TNIP1: variants seen among roughly 807,000 people sequenced by gnomAD.
TNIP1 encodes TNFAIP3 interacting protein 1.
TNIP1 carries 22 observed loss-of-function variants against 86.6 expected under a neutral mutation model. The ratio of observed to expected loss-of-function variants is 0.25; its 90% CI spans 0.18 to 0.36. TNIP1 has a LOEUF of 0.36. Among genes scored for constraint, TNIP1 ranks in the 10% least tolerant of loss-of-function variants. The probability of loss-of-function intolerance (pLI) is 1.00; values close to 1 mark genes in which losing one functional copy is unlikely to be tolerated. For missense variants in TNIP1, 709 were observed against 820.6 expected, an observed-to-expected ratio of 0.86 and a Z score of 1.66; for synonymous variants, 294 against 313.0, an observed-to-expected ratio of 0.94 and a Z score of 0.64.
chr5:151,065,181 ATCCTT>A (rs1762083297), intron 1 of TNIP1, 50 bp from the exon 2 acceptor site: 3 of 1,513,420 alleles, frequency 2.0e-6, no homozygotes, highest in Non-Finnish European at 2.7e-6. Context: ...CCATGGGGGC[ATCCTT>A]TGCAGAGAAG....
intron 4 of TNIP1, among the ~76,000 whole-genome samples, chr5:151,061,659 A>C (rs1761587918): frequency 6.6e-6 from 1 of 151,938 alleles, no homozygotes; most frequent in African/African-American, 2.4e-5. Context: ...TTTTTTTCTT[A>C]GAGAGATGGA....
intron 9 of TNIP1, among the ~76,000 whole-genome samples, chr5:151,045,310 G>A (rs544970088): frequency 2.0e-5 from 3 of 152,204 alleles, no homozygotes; most frequent in South Asian, 2.1e-4. Flanking sequence ...GGTTGGTCCC[G>A]AACCTCTGAC....
At chr5:151,062,103 C>T (rs1374962208) in intron 4 of TNIP1, 24 bp downstream of exon 4, 2 of 1,611,530 alleles carry the variant, frequency 1.2e-6, no homozygotes, top group East Asian at 4.5e-5. Flanking sequence ...GCAACCTCCA[C>T]CCATGACTCC....
intron 8 of TNIP1, among the ~76,000 whole-genome samples, chr5:151,048,214 A>AG (rs1489402033): frequency 6.6e-5 from 10 of 152,214 alleles, no homozygotes; most frequent in Non-Finnish European, 1.3e-4. Context: ...TCCAGGCTCT[A>AG]GGGTGGTGCA....
chr5:151,071,036 G>C (rs184251040), intron 1 of TNIP1, among the ~76,000 whole-genome samples: 12 of 152,162 alleles, frequency 7.9e-5, no homozygotes, highest in African/African-American at 2.7e-4. Flanking sequence ...AGGGGTGGGG[G>C]GGGCGCAGTA....
rs1206456903 is a variant in TNIP1, at chr5:151,035,086, G to A, written c.1522-19C>T. The A allele has an allele frequency of 3.7e-6, 6 of 1,612,028 alleles. No individual in the cohort carries two copies. The highest frequency in any genetic ancestry group is 5.1e-6 in the Non-Finnish European group (6 of 1,179,112). On this transcript the variant is annotated intron_variant, in intron 14 of 17. Coordinates refer to ENST00000521591, the MANE Select transcript of TNIP1 (RefSeq NM_006058.5). ...CTTTTAGCTGAGAGAAGAAGGGAGG[G>A]AGAAAAGACTGTCGGCACAGGTGGT...
chr5:151,049,324 G>A (rs1332819760), intron 8 of TNIP1, among the ~76,000 whole-genome samples: 1 of 152,094 alleles, frequency 6.6e-6, no homozygotes, highest in Admixed American at 6.5e-5. Context: ...CAGCCCTGCA[G>A]CATCACCAGA....
At chr5:151,069,468 T>C (rs1450087496) in intron 1 of TNIP1, among the ~76,000 whole-genome samples, 1 of 152,184 alleles carries the variant, frequency 6.6e-6, no homozygotes, top group Non-Finnish European at 1.5e-5. Context: ...GCCTGATGGA[T>C]AAGGAAACTG....
chr5:151,048,875 T>C (rs929417243), intron 8 of TNIP1, among the ~76,000 whole-genome samples: 2 of 152,206 alleles, frequency 1.3e-5, no homozygotes, highest in Admixed American at 6.5e-5. Flanking sequence ...TCCCTGGCCG[T>C]ACCCTACATC....
chr5:151,061,447 T>C (rs2113683365), intron 4 of TNIP1, among the ~76,000 whole-genome samples: 1 of 152,082 alleles, frequency 6.6e-6, no homozygotes, highest in South Asian at 2.1e-4. Context: ...CCTTGTAGGA[T>C]ACCAAGCAAA....
At chr5:151,058,959 G>A (rs1761030426) in intron 5 of TNIP1, among the ~76,000 whole-genome samples, 1 of 152,200 alleles carries the variant, frequency 6.6e-6, no homozygotes, top group Non-Finnish European at 1.5e-5. Context: ...GCGTCAGTGT[G>A]CCGCATTCTA....
At chr5:151,059,588 G>A (rs970596165) in intron 5 of TNIP1, among the ~76,000 whole-genome samples, 3 of 152,180 alleles carry the variant, frequency 2.0e-5, no homozygotes, top group Non-Finnish European at 4.4e-5. Context: ...TTAAAAGTGG[G>A]AAGGAAGGGA....
intron 8 of TNIP1, among the ~76,000 whole-genome samples, chr5:151,046,601 G>A (rs1759201985): frequency 6.6e-6 from 1 of 152,020 alleles, no homozygotes; most frequent in Non-Finnish European, 1.5e-5. Flanking sequence ...TTGAGGGGCT[G>A]GAGCAGATAA....
intron 1 of TNIP1, among the ~76,000 whole-genome samples, chr5:151,076,194 G>A (rs1355000138): frequency 6.6e-6 from 1 of 152,198 alleles, no homozygotes; most frequent in African/African-American, 2.4e-5. Context: ...TGGCCGCCAA[G>A]GTCTTTCTCT....
At chr5:151,038,549 T>A (rs1305526808) in intron 12 of TNIP1, among the ~76,000 whole-genome samples, 1 of 152,034 alleles carries the variant, frequency 6.6e-6, no homozygotes, top group Non-Finnish European at 1.5e-5. Flanking sequence ...GGGGGCCCCA[T>A]CTCCCTGGAT....
intron 9 of TNIP1, 79 bp from the exon 10 acceptor site, chr5:151,043,040 G>T: frequency 7.0e-7 from 1 of 1,437,930 alleles, no homozygotes; most frequent in Non-Finnish European, 9.8e-7. Flanking sequence ...ATGTACACCA[G>T]CGTCCCAAGG....
chr5:151,038,958 C>A, intron 12 of TNIP1, 139 bp downstream of exon 12: 1 of 1,199,912 alleles, frequency 8.3e-7, no homozygotes, highest in African/African-American at 1.5e-5. Flanking sequence ...AATGGCAGAG[C>A]AGGCGGGAAA....
intron 15 of TNIP1, among the ~76,000 whole-genome samples, chr5:151,034,218 A>G (rs984243193): frequency 4.7e-5 from 7 of 149,422 alleles, no homozygotes; most frequent in Non-Finnish European, 8.9e-5. Context: ...AGGCTGGTAC[A>G]TGGACACGGA....
At chr5:151,039,695 T>C (rs1358865751) in intron 11 of TNIP1, among the ~76,000 whole-genome samples, 1 of 152,182 alleles carries the variant, frequency 6.6e-6, no homozygotes, top group Non-Finnish European at 1.5e-5. Context: ...GGGTCTTCCG[T>C]GATCCACAGA....
Sources: gnomAD v4.1 joint callset for allele counts (sites outside exome capture counted in the v4.1 genomes callset) on GRCh38, gnomAD v4.1.1 for gene constraint, MANE v1.5 for transcripts, NCBI Gene and HGNC (gene_info 2026-07-23, HGNC 2026-07-21) for gene names.